Variants in CADM2 observed in about 807,000 individuals in gnomAD.
CADM2 encodes cell adhesion molecule 2.
CADM2 carries 12 observed loss-of-function variants against 49.8 expected under a neutral mutation model. That is an observed-to-expected ratio of 0.24 (90% confidence interval 0.15 to 0.39). The LOEUF is 0.39. CADM2 is among the 10% of genes least tolerant of loss of function. CADM2 has a pLI of 1.00. For missense variants in CADM2, 378 were observed against 492.3 expected, an observed-to-expected ratio of 0.77 and a Z score of 2.20; for synonymous variants, 214 against 175.4, an observed-to-expected ratio of 1.22 and a Z score of -1.74.
At chr3:85,031,612 T>C (rs1395732171) in intron 1 of CADM2, among the ~76,000 whole-genome samples, 1 of 152,194 alleles carries the variant, frequency 6.6e-6, no homozygotes, top group Admixed American at 6.5e-5. Context: ...CCTCCCGGGT[T>C]CACGCCACTC....
At chr3:85,583,032 G>A (rs1305148404) in intron 1 of CADM2, among the ~76,000 whole-genome samples, 2 of 152,084 alleles carry the variant, frequency 1.3e-5, no homozygotes, top group Non-Finnish European at 2.9e-5. Flanking sequence ...TACAGTGCCT[G>A]GTGTATAGGA....
chr3:85,629,023 C>T (rs2064220490), intron 1 of CADM2, among the ~76,000 whole-genome samples: 1 of 151,644 alleles, frequency 6.6e-6, no homozygotes. Flanking sequence ...TGCTTTATTT[C>T]AGACAGAAAT....
intron 1 of CADM2, among the ~76,000 whole-genome samples, chr3:85,679,762 A>G (rs2065988562): frequency 6.6e-6 from 1 of 152,078 alleles, no homozygotes; most frequent in Non-Finnish European, 1.5e-5. Context: ...TATAATGACT[A>G]TTAGTAAATC....
intron 1 of CADM2, among the ~76,000 whole-genome samples, chr3:85,403,965 G>A (rs2035248298): frequency 6.6e-6 from 1 of 151,936 alleles, no homozygotes; most frequent in Non-Finnish European, 1.5e-5. Context: ...TTCAAAAACT[G>A]GCTTGTACCA....
chr3:85,775,041 T>A (rs1281951531), intron 2 of CADM2, among the ~76,000 whole-genome samples: 3 of 151,734 alleles, frequency 2.0e-5, no homozygotes, highest in Non-Finnish European at 4.4e-5. Flanking sequence ...ATCATGAAGA[T>A]AAGCCCTTTA....
chr3:85,024,876 CTTAAA>C (rs1357301318), intron 1 of CADM2, among the ~76,000 whole-genome samples: 4 of 151,744 alleles, frequency 2.6e-5, no homozygotes, highest in Non-Finnish European at 5.9e-5. Flanking sequence ...TCATATAAAC[CTTAAA>C]TTAAAGAAGC....
intron 1 of CADM2, among the ~76,000 whole-genome samples, chr3:85,149,947 T>C (rs1363847603): frequency 3.3e-5 from 5 of 152,304 alleles, no homozygotes; most frequent in Middle Eastern, 3.4e-3. Flanking sequence ...CTCTTAACAA[T>C]GGATATTGGT....
chr3:85,191,923 A>G (rs2041218052), intron 1 of CADM2, among the ~76,000 whole-genome samples: 1 of 150,334 alleles, frequency 6.7e-6, no homozygotes, highest in Admixed American at 6.7e-5. Flanking sequence ...GCCTCTGAAT[A>G]GAGAGTAATA....
chr3:85,714,299 T>C (rs561964795), intron 1 of CADM2, among the ~76,000 whole-genome samples: 1 of 152,180 alleles, frequency 6.6e-6, no homozygotes, highest in East Asian at 1.9e-4. Context: ...TTGAACACAA[T>C]AGGCCAGATC....
chr3:85,859,224 C>CTTTTTTTTTTTTTTTTTTTTTT (rs397990427), intron 3 of CADM2, among the ~76,000 whole-genome samples: 1 of 70,596 alleles, frequency 1.4e-5, no homozygotes, highest in Non-Finnish European at 2.5e-5. Context: ...TTTTTTTTGT[C>CTTTTTTTTTTTTTTTTTTTTTT]TTTTTTTTTT....
At chr3:85,216,717 T>G (rs1346755521) in intron 1 of CADM2, among the ~76,000 whole-genome samples, 1 of 152,080 alleles carries the variant, frequency 6.6e-6, no homozygotes, top group Admixed American at 6.6e-5. Context: ...CCAAAAAGAT[T>G]GATTGAGTTT....
chr3:85,147,141 G>A lies in CADM2; in HGVS notation c.61+187473G>A, dbSNP rs2039770207. ...TACAAGAAAATTAGCCGGGCATGGT[G>A]GCGGGCGCCTGTAGTCCCAGCTACT... On this transcript the variant is annotated intron_variant, in intron 1 of 9. Coordinates refer to ENST00000383699, the MANE Select transcript of CADM2 (RefSeq NM_001167675.2). Among the ~76,000 whole-genome samples, 5 of 151,866 alleles carry A rather than the reference G, an allele frequency of 3.3e-5. 1 individual carries two copies. The highest frequency in any genetic ancestry group is 7.4e-5 in the Non-Finnish European group (5 of 67,926).
intron 1 of CADM2, among the ~76,000 whole-genome samples, chr3:85,516,598 A>ATATT (rs1348067831): frequency 6.6e-6 from 1 of 152,104 alleles, no homozygotes; most frequent in Non-Finnish European, 1.5e-5. Flanking sequence ...TAAGCAGTAT[A>ATATT]TATTTAGTGT....
At position 85,660,330 on chromosome 3, in the gene CADM2, C is replaced by CTTCACTGT. The variant is rs536099131; in HGVS notation, c.62-66191_62-66190insTCACTGTT. Among the ~76,000 whole-genome samples the CTTCACTGT allele has an allele frequency of 2.9e-4, 44 of 152,032 alleles. No homozygotes were observed. In the South Asian group the frequency reaches 8.7e-3, roughly 30 times the overall value. On this transcript the variant is annotated intron_variant, in intron 1 of 9. Coordinates refer to ENST00000383699, the MANE Select transcript of CADM2 (RefSeq NM_001167675.2). ...AGTAGAACAGTGAAGTGTTGGTTTG[C>CTTCACTGT]TGGATTTTAATTTTCAGAGAACAGC...
chr3:85,052,247 C>G (rs1003668090), intron 1 of CADM2, among the ~76,000 whole-genome samples: 1 of 152,066 alleles, frequency 6.6e-6, no homozygotes. Flanking sequence ...GTCAGTGAAG[C>G]TAAGGTTATA....
intron 7 of CADM2, among the ~76,000 whole-genome samples, chr3:85,945,380 A>G (rs1056900156): frequency 2.0e-5 from 3 of 152,150 alleles, no homozygotes; most frequent in Non-Finnish European, 4.4e-5. Context: ...TCCTTCTGAA[A>G]CTATTCCAAT....
At chr3:85,810,327 G>C (rs1448100338) in intron 3 of CADM2, among the ~76,000 whole-genome samples, 1 of 152,092 alleles carries the variant, frequency 6.6e-6, no homozygotes, top group African/African-American at 2.4e-5. Context: ...AAGGTAAAGA[G>C]TGTGGATCTG....
chr3:85,163,737 A>G (rs2040393150), intron 1 of CADM2, among the ~76,000 whole-genome samples: 1 of 152,114 alleles, frequency 6.6e-6, no homozygotes, highest in South Asian at 2.1e-4. Context: ...TTCACATGCT[A>G]GCATAGAAGT....
chr3:85,405,969 T>C lies in CADM2; in HGVS notation c.62-320553T>C, dbSNP rs112396270. Among the ~76,000 whole-genome samples, 548 of 151,952 alleles carry C rather than the reference T, an allele frequency of 3.6e-3. 7 individuals are homozygous for C. Among genetic ancestry groups the C allele is most frequent in the African/African-American group, 0.012 (504 of 41,524 alleles). On this transcript the variant is annotated intron_variant, in intron 1 of 9. Coordinates refer to ENST00000383699, the MANE Select transcript of CADM2 (RefSeq NM_001167675.2). The stretch of plus-strand genomic sequence containing the variant: ...AAGTAAATAAAAGTAGACATAGATA[T>C]ATGCGTGCATATATATGGAACACTG...
Sources: allele counts gnomAD v4.1 joint callset (sites outside exome capture counted in the v4.1 genomes callset), GRCh38; gene constraint gnomAD v4.1.1; transcripts MANE v1.5; gene names NCBI Gene and HGNC (gene_info 2026-07-23, HGNC 2026-07-21).